Variants in CBFA2T2 observed in about 807,000 individuals in gnomAD.
CBFA2T2 encodes CBFA2/RUNX1 partner transcriptional co-repressor 2.
CBFA2T2 carries 11 observed loss-of-function variants against 62.2 expected under a neutral mutation model. That is an observed-to-expected ratio of 0.18 (90% CI 0.11 to 0.29). The LOEUF (loss-of-function observed/expected upper bound fraction) is 0.29. Among genes scored for constraint, CBFA2T2 ranks in the 10% least tolerant of loss-of-function variants. The probability of loss-of-function intolerance (pLI) is 1.00; values close to 1 mark genes in which losing one functional copy is unlikely to be tolerated. For synonymous variants in CBFA2T2, 295 were observed against 287.5 expected (o/e 1.03, Z -0.27); for missense variants, 592 against 774.1 (o/e 0.76, Z 2.79).
intron 8 of CBFA2T2, among the ~76,000 whole-genome samples, chr20:33,636,258 C>CAAAA (rs34178424): frequency 1.3e-5 from 1 of 75,102 alleles, no homozygotes. Context: ...GACTCCGTCT[C>CAAAA]AAAAAAAAAA....
At chr20:33,644,209 G>T (rs758227378) in intron 10 of CBFA2T2, 138 bp from the exon 11 acceptor site, 9 of 817,298 alleles carry the variant, frequency 1.1e-5, no homozygotes, top group Non-Finnish European at 1.3e-5. Context: ...AGCAGTAGAG[G>T]GCGGAGTTGA....
At position 33,542,213 on chromosome 20, in the gene CBFA2T2, C is replaced by T. The variant is rs912770904; in HGVS notation, c.34+51912C>T. Among the ~76,000 whole-genome samples, 15 of 152,188 alleles carry T rather than the reference C, an allele frequency of 9.9e-5. 1 individual carries two copies. The highest frequency in any genetic ancestry group is 1.3e-4 in the Admixed American group (2 of 15,268). On this transcript the variant is annotated intron_variant, in intron 1 of 10. Transcript: ENST00000342704. ...GTGGGCTAGAGGAACATGTGGTTTA[C>T]AGCATCTAGCCTAGTACCTCGTTTT...
chr20:33,505,953 G>C (rs1375174959), intron 1 of CBFA2T2, among the ~76,000 whole-genome samples: 1 of 151,570 alleles, frequency 6.6e-6, no homozygotes, highest in East Asian at 1.9e-4. Context: ...TAGCCAGACT[G>C]GTGGCGCACG....
chr20:33,535,216 C>T (rs1245362000), intron 1 of CBFA2T2, among the ~76,000 whole-genome samples: 2 of 152,202 alleles, frequency 1.3e-5, no homozygotes, highest in Non-Finnish European at 2.9e-5. Context: ...GGCCAGCTAG[C>T]CAAAGGGCTA....
intron 8 of CBFA2T2, 116 bp from the exon 9 acceptor site, chr20:33,636,524 T>G (rs1601111721): frequency 1.4e-6 from 1 of 715,524 alleles, no homozygotes; most frequent in East Asian, 2.7e-5. Flanking sequence ...GAGAATTTTT[T>G]TATACTAAAT....
intron 1 of CBFA2T2, 81 bp from the exon 2 acceptor site, chr20:33,606,875 A>G: frequency 7.4e-7 from 1 of 1,354,152 alleles, no homozygotes; most frequent in Non-Finnish European, 1.0e-6. Flanking sequence ...CCTCTAGGGA[A>G]GTATGTTGGT....
At chr20:33,604,442 C>T (rs1233214966) in intron 1 of CBFA2T2, among the ~76,000 whole-genome samples, 2 of 152,268 alleles carry the variant, frequency 1.3e-5, no homozygotes, top group South Asian at 4.1e-4. Flanking sequence ...AGAATTCACA[C>T]GGAATCTCTC....
chr20:33,493,490 C>T (rs1327593616), intron 1 of CBFA2T2, among the ~76,000 whole-genome samples: 3 of 152,110 alleles, frequency 2.0e-5, no homozygotes, highest in Admixed American at 1.3e-4. Flanking sequence ...GAACTGTGGC[C>T]TCACATGTTT....
intron 5 of CBFA2T2, among the ~76,000 whole-genome samples, chr20:33,624,272 T>G (rs2016129449): frequency 6.6e-6 from 1 of 151,092 alleles, no homozygotes; most frequent in Non-Finnish European, 1.5e-5. Context: ...TTATTACAGT[T>G]GAATCTGAGT....
At chr20:33,579,486 G>A (rs2014005150) in intron 1 of CBFA2T2, among the ~76,000 whole-genome samples, 2 of 151,490 alleles carry the variant, frequency 1.3e-5, no homozygotes, top group Admixed American at 6.6e-5. Context: ...CAGGTCATAA[G>A]GATATTCTCC....
intron 1 of CBFA2T2, among the ~76,000 whole-genome samples, chr20:33,602,313 A>G (rs1386442106): frequency 2.6e-5 from 4 of 151,230 alleles, no homozygotes; most frequent in Non-Finnish European, 4.4e-5. Flanking sequence ...TTGCCTCAAC[A>G]TGCTTTCTCC....
At chr20:33,617,653 A>G (rs968459061) in intron 3 of CBFA2T2, among the ~76,000 whole-genome samples, 1 of 152,202 alleles carries the variant, frequency 6.6e-6, no homozygotes, top group African/African-American at 2.4e-5. Flanking sequence ...TAGATATAAA[A>G]GAGTGTCATT....
intron 1 of CBFA2T2, among the ~76,000 whole-genome samples, chr20:33,549,193 G>T (rs992215592): frequency 2.0e-5 from 3 of 151,966 alleles, no homozygotes; most frequent in African/African-American, 7.3e-5. Flanking sequence ...AAAACTATTT[G>T]GTTAGGGCAG....
intron 1 of CBFA2T2, among the ~76,000 whole-genome samples, chr20:33,529,491 A>G (rs560547638): frequency 6.6e-6 from 1 of 151,694 alleles, no homozygotes; most frequent in South Asian, 2.1e-4. Context: ...CAAGCCAGGC[A>G]TGGTGGCTCG....
At chr20:33,563,377 A>G (rs776028879) in intron 1 of CBFA2T2, among the ~76,000 whole-genome samples, 3 of 151,946 alleles carry the variant, frequency 2.0e-5, no homozygotes, top group African/African-American at 2.4e-5. Context: ...GCTATTTCTT[A>G]TATATAAGAA....
chr20:33,518,834 T>G (rs1489928029), intron 1 of CBFA2T2, among the ~76,000 whole-genome samples: 1 of 152,024 alleles, frequency 6.6e-6, no homozygotes, highest in African/African-American at 2.4e-5. Flanking sequence ...TTCTCTTCTT[T>G]TTTTTGAGAC....
chr20:33,600,184 T>TG (rs1368909200), intron 1 of CBFA2T2, among the ~76,000 whole-genome samples: 4,702 of 116,352 alleles, frequency 0.04, 257 homozygotes, highest in Non-Finnish European at 0.064. Context: ...TTTGGAAAGT[T>TG]TTTTTTTTTT....
At chr20:33,568,838 CT>C (rs1315795766) in intron 1 of CBFA2T2, among the ~76,000 whole-genome samples, 1 of 152,180 alleles carries the variant, frequency 6.6e-6, no homozygotes, top group African/African-American at 2.4e-5. Flanking sequence ...ACCTCTATTA[CT>C]CAAACTATAA....
At chr20:33,516,106 C>T (rs2011595667) in intron 1 of CBFA2T2, among the ~76,000 whole-genome samples, 3 of 151,732 alleles carry the variant, frequency 2.0e-5, no homozygotes, top group South Asian at 4.2e-4. Context: ...CTGCACTGTG[C>T]CTGAGAGACA....
Sources: gnomAD v4.1 joint callset for allele counts (sites outside exome capture counted in the v4.1 genomes callset) on GRCh38, gnomAD v4.1.1 for gene constraint, MANE v1.5 for transcripts, NCBI Gene and HGNC (gene_info 2026-07-23, HGNC 2026-07-21) for gene names.